DPP10: variants seen among roughly 807,000 people sequenced by gnomAD.
DPP10 encodes inactive dipeptidyl peptidase 10.
Under a neutral mutation model 120.9 loss-of-function variants are expected in DPP10, and 33 were observed. The observed-to-expected ratio is 0.27, with a 90% confidence interval of 0.21 to 0.37. DPP10 has a LOEUF of 0.37. DPP10 is among the 10% of genes least tolerant of loss of function. The pLI, the probability that DPP10 is intolerant of heterozygous loss-of-function variation, is 1.00. For synonymous variants in DPP10, 337 were observed against 326.1 expected, an observed-to-expected ratio of 1.03 and a Z score of -0.36; for missense variants, 816 against 942.8, an observed-to-expected ratio of 0.87 and a Z score of 1.76.
intron 1 of DPP10, among the ~76,000 whole-genome samples, chr2:114,947,086 G>T (rs1275888620): frequency 6.6e-6 from 1 of 151,750 alleles, no homozygotes; most frequent in Non-Finnish European, 1.5e-5. Flanking sequence ...TTATCTGTTT[G>T]TTTAACCACT....
At chr2:114,598,877 A>G (rs534978068) in intron 1 of DPP10, among the ~76,000 whole-genome samples, 132 of 151,966 alleles carry the variant, frequency 8.7e-4, no homozygotes, top group Middle Eastern at 3.4e-3. Flanking sequence ...GGGCAGATAT[A>G]CATTCAAATC....
intron 1 of DPP10, among the ~76,000 whole-genome samples, chr2:114,980,886 T>C (rs1700041782): frequency 6.6e-6 from 1 of 152,068 alleles, no homozygotes; most frequent in African/African-American, 2.4e-5. Context: ...TTAACGTCAA[T>C]AACGTTTTAT....
At chr2:115,495,754 G>A (rs1044832718) in intron 3 of DPP10, among the ~76,000 whole-genome samples, 2 of 152,118 alleles carry the variant, frequency 1.3e-5, no homozygotes, top group Admixed American at 6.6e-5. Context: ...GGGTACACAG[G>A]CCAGATAGTG....
chr2:114,663,668 T>TATATATAGAGAG, intron 1 of DPP10, among the ~76,000 whole-genome samples: 68 of 80,700 alleles, frequency 8.4e-4, no homozygotes, highest in Non-Finnish European at 9.7e-4. Flanking sequence ...TATATATATA[T>TATATATAGAGAG]AGAGAGAGAG....
chr2:115,814,815 C>A lies in DPP10; in HGVS notation c.1723C>A (p.Leu575Met). 1 of 1,558,540 alleles carries A rather than the reference C, an allele frequency of 6.4e-7. No individual in the cohort carries two copies. The highest frequency in any genetic ancestry group is 8.8e-7 in the Non-Finnish European group (1 of 1,140,454). ...CAGGGATGAAGAACCAGGAGGCCAGCTGGTTACAGATAAGTTCCATATTGA... is the reference window on the plus strand; with the variant it reads ...CAGGGATGAAGAACCAGGAGGCCAGATGGTTACAGATAAGTTCCATATTGA... ...LIMDEEPGGQ[L>M]VTDKFHIDWD... The change falls in exon 20 of 26, where the codon CTG (leucine) becomes ATG (methionine). Residue 575 changes from leucine to methionine, a missense_variant. Transcript: ENST00000410059.
intron 1 of DPP10, among the ~76,000 whole-genome samples, chr2:114,662,513 C>A (rs891108511): frequency 6.6e-6 from 1 of 152,058 alleles, no homozygotes; most frequent in Non-Finnish European, 1.5e-5. Flanking sequence ...GTCAGACCCG[C>A]GACCACTACA....
intron 1 of DPP10, among the ~76,000 whole-genome samples, chr2:114,768,323 A>G (rs1045075734): frequency 5.3e-5 from 8 of 152,210 alleles, no homozygotes; most frequent in African/African-American, 1.2e-4. Context: ...GATGTTTGAT[A>G]GTTAAATGAG....
At chr2:115,413,354 G>A (rs2069109022) in intron 3 of DPP10, among the ~76,000 whole-genome samples, 2 of 152,098 alleles carry the variant, frequency 1.3e-5, no homozygotes, top group African/African-American at 4.8e-5. Context: ...AGCAAACAGA[G>A]ACCATGAATC....
At chr2:115,629,175 A>G (rs576425572) in intron 5 of DPP10, among the ~76,000 whole-genome samples, 4 of 152,266 alleles carry the variant, frequency 2.6e-5, no homozygotes, top group African/African-American at 9.6e-5. Flanking sequence ...ATAGTATTCC[A>G]TGGTGTATAT....
chr2:114,642,124 A>T (rs1238258989), intron 1 of DPP10, among the ~76,000 whole-genome samples: 1 of 151,988 alleles, frequency 6.6e-6, no homozygotes, highest in Non-Finnish European at 1.5e-5. Context: ...AATGAGGGAT[A>T]TTTGAGTATA....
At chr2:115,587,064 TTTTTC>T (rs2082330724) in intron 5 of DPP10, among the ~76,000 whole-genome samples, 1 of 151,402 alleles carries the variant, frequency 6.6e-6, no homozygotes, top group South Asian at 2.1e-4. Flanking sequence ...ACATTGTCCT[TTTTTC>T]TTTTCTTTTT....
At chr2:115,321,303 A>G (rs1288201808) in intron 2 of DPP10, among the ~76,000 whole-genome samples, 2 of 151,976 alleles carry the variant, frequency 1.3e-5, no homozygotes, top group South Asian at 2.1e-4. Context: ...CCCCATCTCA[A>G]AAGAAAGAAA....
chr2:114,757,757 A>T (rs535747666), intron 1 of DPP10, among the ~76,000 whole-genome samples: 1 of 152,020 alleles, frequency 6.6e-6, no homozygotes, highest in Non-Finnish European at 1.5e-5. Context: ...CACACCAGCA[A>T]CTCTGGGGTT....
chr2:115,690,050 A>G (rs1458644115), intron 7 of DPP10, 129 bp downstream of exon 7: 9 of 760,144 alleles, frequency 1.2e-5, no homozygotes, highest in Non-Finnish European at 1.9e-5. Context: ...AGTCCTTTAT[A>G]TCTTTTATCT....
intron 1 of DPP10, among the ~76,000 whole-genome samples, chr2:114,886,737 T>A (rs1692106112): frequency 6.6e-6 from 1 of 152,216 alleles, no homozygotes; most frequent in Admixed American, 6.5e-5. Context: ...TGAAGAGTCT[T>A]GTAATAGTTT....
chr2:114,774,491 A>G (rs1681553113), intron 1 of DPP10, among the ~76,000 whole-genome samples: 1 of 151,568 alleles, frequency 6.6e-6, no homozygotes, highest in South Asian at 2.1e-4. Flanking sequence ...ACAGTCAAAT[A>G]ATTTTATTTT....
At chr2:115,840,311 GTTTTTTGGT>G (rs1447127169) in intron 24 of DPP10, among the ~76,000 whole-genome samples, 1 of 33,242 alleles carries the variant, frequency 3.0e-5, no homozygotes, top group Non-Finnish European at 6.8e-5. Flanking sequence ...CAGATATAAG[GTTTTTTGGT>G]TTTTTTTTTT....
chr2:115,626,919 A>T (rs2085412655), intron 5 of DPP10, among the ~76,000 whole-genome samples: 1 of 152,180 alleles, frequency 6.6e-6, no homozygotes. Context: ...ACACATTGAA[A>T]ACTGGGAAAC....
chr2:114,671,813 T>G (rs763551852), intron 1 of DPP10, among the ~76,000 whole-genome samples: 13 of 152,132 alleles, frequency 8.5e-5, no homozygotes, highest in Non-Finnish European at 1.9e-4. Flanking sequence ...GGTTTCTAGT[T>G]TCTTGTTTCT....
Sources: allele counts gnomAD v4.1 joint callset (sites outside exome capture counted in the v4.1 genomes callset), GRCh38; gene constraint gnomAD v4.1.1; transcripts MANE v1.5; gene names NCBI Gene and HGNC (gene_info 2026-07-23, HGNC 2026-07-21).